Variants in NHSL2 observed in about 807,000 individuals in gnomAD.
NHSL2 encodes the protein NHS like 2.
A neutral mutation model predicts 53.4 loss-of-function variants in NHSL2; 27 were observed. The observed-to-expected ratio is 0.51, with a 90% confidence interval of 0.37 to 0.70. NHSL2 has a LOEUF of 0.70. Among genes scored for constraint, NHSL2 ranks in the 30% least tolerant of loss-of-function variants. NHSL2 has a pLI of 0.00. For missense variants in NHSL2, 892 were observed against 980.1 expected, an observed-to-expected ratio of 0.91 and a Z score of 1.20; for synonymous variants, 408 against 404.1, an observed-to-expected ratio of 1.01 and a Z score of -0.12.
At chrX:72,117,761 G>A (rs752414115) in intron 1 of NHSL2, among the ~76,000 whole-genome samples, 5 of 111,489 alleles carry the variant, frequency 4.5e-5, no homozygotes, top group African/African-American at 1.6e-4. Context: ...TATAGCATGC[G>A]TCAGTACTTC....
intron 1 of NHSL2, chrX:72,129,515 T>G: frequency 3.7e-6 from 1 of 267,450 alleles, no homozygotes; most frequent in Non-Finnish European, 6.7e-6. Context: ...AGAGGGGAAA[T>G]ACAAGAGGGT....
chrX:72,139,266 G>C lies in NHSL2; in HGVS notation c.1718G>C (p.Arg573Pro), dbSNP rs368065544. The change falls in exon 6 of 8, where the codon CGC becomes CCC. Residue 573 changes from arginine to proline, a missense_variant. Arg to Pro is a moderately radical substitution (Grantham distance 103). Coordinates refer to ENST00000633930, the MANE Select transcript of NHSL2 (RefSeq NM_001013627.3). ...AAAAAGAAGCCTTCCCCACCCACACGCAGTGTCTCACTGGTCAAAGATGAG... is the reference window on the plus strand; with the variant it reads ...AAAAAGAAGCCTTCCCCACCCACACCCAGTGTCTCACTGGTCAAAGATGAG... ...KAKKKPSPPTRSVSLVKDEPG... is the reference protein window; with the variant it reads ...KAKKKPSPPTPSVSLVKDEPG... 2.5e-6 allele frequency: 3 copies of C among 1,195,758 alleles called. No homozygotes were observed. Among genetic ancestry groups the C allele is most frequent in the Non-Finnish European group, 3.4e-6 (3 of 887,846 alleles).
chrX:71,931,964 A>G (rs1458983089), intron 1 of NHSL2, among the ~76,000 whole-genome samples: 3 of 112,390 alleles, frequency 2.7e-5, no homozygotes, highest in Middle Eastern at 4.6e-3. Context: ...TTTATCAAGG[A>G]TATCCACATT....
rs1200679054 is a variant in NHSL2, at chrX:72,075,861, A to G, written c.281-56218A>G. On this transcript the variant is annotated intron_variant, in intron 1 of 7. Coordinates refer to ENST00000633930, the MANE Select transcript of NHSL2 (RefSeq NM_001013627.3). ...TCACCTGAACCAGGGGTTCTCAATG[A>G]GGCGGTGAGAGGGATGTGGAGGGGG... 1.9e-5 allele frequency among the ~76,000 whole-genome samples: 2 copies of G among 104,267 alleles called. 1 individual carries two copies. Among genetic ancestry groups the G allele is most frequent in the Middle Eastern group, 8.6e-3 (2 of 232 alleles). 90.5% of individuals were successfully genotyped at this position (104,267 alleles called of 115,157 possible).
At chrX:72,094,608 A>G (rs1471259168) in intron 1 of NHSL2, among the ~76,000 whole-genome samples, 4 of 110,899 alleles carry the variant, frequency 3.6e-5, no homozygotes, top group Non-Finnish European at 7.6e-5. Context: ...TACATCAGAG[A>G]GATGGATAAC....
chrX:72,139,630 G>A lies in NHSL2; in HGVS notation c.2082G>A (p.Val694=), dbSNP rs1481612912. 2.5e-6 allele frequency: 3 copies of A among 1,210,743 alleles called. No individual in the cohort carries two copies. Among genetic ancestry groups the A allele is most frequent in the South Asian group, 1.8e-5 (1 of 56,905 alleles). ...ATTPSQLSIE[V]EAREISSPGR... Reference sequence around the variant, plus strand: ...CACCTTCCCAACTCTCCATTGAAGTGGAGGCCAGGGAGATATCATCCCCGG... The same window carrying A: ...CACCTTCCCAACTCTCCATTGAAGTAGAGGCCAGGGAGATATCATCCCCGG... The change falls in exon 6 of 8, where the codon GTG becomes GTA. Residue 694 remains valine (V), a synonymous_variant. Transcript: ENST00000633930.
At position 72,139,456 on chromosome X, in the gene NHSL2, C is replaced by T. The variant is rs1217253930; in HGVS notation, c.1908C>T (p.His636=). The change falls in exon 6 of 8, where the codon CAC becomes CAT. Residue 636 remains histidine (H), a synonymous_variant. Coordinates refer to ENST00000633930, the MANE Select transcript of NHSL2 (RefSeq NM_001013627.3). ...ATCCAGAAAGTACACAATTCTCCCACCACTGGTATCTTACTGACTGGAAGT... is the reference window on the plus strand; with the variant it reads ...ATCCAGAAAGTACACAATTCTCCCATCACTGGTATCTTACTGACTGGAAGT... ...HKDPESTQFS[H]HWYLTDWKSG... 8.3e-7 allele frequency: 1 copy of T among 1,208,712 alleles called. No individual in the cohort carries two copies. The highest frequency in any genetic ancestry group is 1.1e-6 in the Non-Finnish European group (1 of 894,251).
chrX:71,971,642 T>G (rs1230625827), intron 1 of NHSL2, among the ~76,000 whole-genome samples: 1 of 112,072 alleles, frequency 8.9e-6, no homozygotes, highest in East Asian at 2.8e-4. Context: ...TTTATAGATA[T>G]TGTTTATGAA....
At chrX:71,954,388 G>C (rs1166521286) in intron 1 of NHSL2, among the ~76,000 whole-genome samples, 1 of 112,418 alleles carries the variant, frequency 8.9e-6, no homozygotes, top group Non-Finnish European at 1.9e-5. Flanking sequence ...TGCCTCTGTG[G>C]GGGCTTGCTC....
chrX:71,948,630 G>A (rs975716215), intron 1 of NHSL2, among the ~76,000 whole-genome samples: 1 of 110,113 alleles, frequency 9.1e-6, no homozygotes, highest in African/African-American at 3.3e-5. Flanking sequence ...AGAAGTTCGA[G>A]ACCAGCCTGA....
At chrX:71,944,100 C>A (rs755707699) in intron 1 of NHSL2, among the ~76,000 whole-genome samples, 2 of 112,422 alleles carry the variant, frequency 1.8e-5, no homozygotes, top group South Asian at 7.4e-4. Context: ...AGAGAAAAGA[C>A]CCAAGTTCAA....
intron 1 of NHSL2, among the ~76,000 whole-genome samples, chrX:71,960,896 T>C (rs2041864562): frequency 8.9e-6 from 1 of 112,252 alleles, no homozygotes; most frequent in South Asian, 3.7e-4. Context: ...TAGAATTGGC[T>C]CTTCCATTTA....
intron 1 of NHSL2, chrX:72,044,810 G>C: frequency 8.9e-7 from 1 of 1,123,903 alleles, no homozygotes; most frequent in Non-Finnish European, 1.2e-6. Flanking sequence ...AATCGATCTC[G>C]TGAAGCCTGC....
chrX:71,927,262 G>C (rs1353886687), intron 1 of NHSL2, among the ~76,000 whole-genome samples: 1 of 112,326 alleles, frequency 8.9e-6, no homozygotes. Flanking sequence ...GGATCAGAGG[G>C]AGGGACTCAA....
intron 1 of NHSL2, among the ~76,000 whole-genome samples, chrX:72,073,495 A>G (rs952562876): frequency 1.8e-5 from 2 of 112,370 alleles, no homozygotes; most frequent in African/African-American, 6.5e-5. Context: ...CAGCATACGC[A>G]TAGCTGTGCA....
At position 72,147,560 on chromosome X, in the gene NHSL2, C is replaced by T. The variant is rs185756329; in HGVS notation, c.*3986C>T. On this transcript the variant is annotated 3_prime_UTR_variant, in exon 8 of 8. Transcript: ENST00000633930. The stretch of plus-strand genomic sequence containing the variant: ...AAAGAATCTTTAATAGTGTTAATAT[C>T]GGAAAACATAGTTGATTTCTAAGTA... 3.6e-5 allele frequency: 4 copies of T among 111,964 alleles called. No individual in the cohort carries two copies. The highest frequency in any genetic ancestry group is 1.9e-4 in the Admixed American group (2 of 10,588). 9.2% of individuals were successfully genotyped at this position (111,964 alleles called of 1,213,427 possible).
chrX:71,944,701 AG>A (rs2041784332), intron 1 of NHSL2, among the ~76,000 whole-genome samples: 1 of 111,997 alleles, frequency 8.9e-6, no homozygotes, highest in Non-Finnish European at 1.9e-5. Context: ...CTGCCCTTGG[AG>A]CTTTGGTTTT....
chrX:71,931,406 G>A (rs963980297), intron 1 of NHSL2, among the ~76,000 whole-genome samples: 6 of 111,992 alleles, frequency 5.4e-5, no homozygotes, highest in African/African-American at 1.9e-4. Flanking sequence ...TTGGTTGCTT[G>A]TCCTTTTGCC....
intron 1 of NHSL2, among the ~76,000 whole-genome samples, chrX:72,088,099 C>T (rs1264180924): frequency 3.6e-5 from 4 of 110,146 alleles, no homozygotes; most frequent in African/African-American, 9.9e-5. Context: ...GGCATGGTGG[C>T]GCATGCTTGT....
Sources: gnomAD v4.1 joint callset for allele counts (sites outside exome capture counted in the v4.1 genomes callset) on GRCh38, gnomAD v4.1.1 for gene constraint, MANE v1.5 for transcripts, NCBI Gene and HGNC (gene_info 2026-07-23, HGNC 2026-07-21) for gene names.